The following MAGI1 variants were observed in gnomAD, a reference collection of about 807,000 sequenced individuals.
MAGI1 encodes the protein membrane-associated guanylate kinase, WW and PDZ domain-containing protein 1.
MAGI1 carries 58 observed loss-of-function variants against 139.9 expected under a neutral mutation model. The observed-to-expected ratio is 0.41, with a 90% CI of 0.34 to 0.52. The LOEUF is 0.52. Among genes scored for constraint, MAGI1 ranks in the 20% least tolerant of loss-of-function variants. The pLI is 0.12. For synonymous variants in MAGI1, 812 were observed against 737.9 expected, an observed-to-expected ratio of 1.10 and a Z score of -1.63; for missense variants, 1,874 against 1,901.6, an observed-to-expected ratio of 0.99 and a Z score of 0.27.
At chr3:65,495,651 T>C (rs1036099552) in intron 2 of MAGI1, among the ~76,000 whole-genome samples, 1 of 152,088 alleles carries the variant, frequency 6.6e-6, no homozygotes, top group Non-Finnish European at 1.5e-5. Context: ...CAGGAGGAAA[T>C]CATTCTTCTA....
At chr3:65,869,493 C>A (rs894383132) in intron 1 of MAGI1, among the ~76,000 whole-genome samples, 9 of 150,852 alleles carry the variant, frequency 6.0e-5, no homozygotes, top group East Asian at 2.0e-4. Flanking sequence ...CTCCACCCCC[C>A]AGGTTCACAC....
rs370430462 is a variant in MAGI1 at position 65,356,569 on chromosome 3, C to G, written c.4198G>C (p.Asp1400His). 3 of 1,606,426 alleles carry G rather than the reference C, an allele frequency of 1.9e-6. No homozygotes were observed. The highest frequency in any genetic ancestry group is 2.5e-6 in the Non-Finnish European group (3 of 1,178,592). The change falls in exon 23 of 23, where the codon GAC becomes CAC. Residue 1400 changes from aspartate to histidine, a missense_variant. Physicochemically the swap from Asp to His is moderately conservative, Grantham distance 81. Coordinates refer to ENST00000402939, the MANE Select transcript of MAGI1 (RefSeq NM_001033057.2). ...GSPERRAKST[D>H]RRRARSPERR... Reference sequence around the variant, plus strand: ...TCGGGGGAGCGTGCGCGCCTCCGGTCGGTGGACTTGGCCCTGCGCTCGGGC... The same window carrying G: ...TCGGGGGAGCGTGCGCGCCTCCGGTGGGTGGACTTGGCCCTGCGCTCGGGC...
Position 65,941,341 on chromosome 3 carries a change from C to T in MAGI1, c.313+96655G>A, listed in dbSNP as rs544258355. The stretch of plus-strand genomic sequence containing the variant: ...CAGCCTAGGTGACACAGCAAGACTC[C>T]GTCTCAAAAAAAAAAAAAGAATTAT... On this transcript the variant is annotated intron_variant, in intron 1 of 22. Coordinates refer to ENST00000402939, the MANE Select transcript of MAGI1 (RefSeq NM_001033057.2). Among the ~76,000 whole-genome samples the T allele has an allele frequency of 1.3e-4, 20 of 148,480 alleles. No individual in the cohort carries two copies. The East Asian group carries it at 1.6e-3, about 12-fold the overall frequency.
At chr3:65,576,930 T>C (rs1451936734) in intron 2 of MAGI1, among the ~76,000 whole-genome samples, 1 of 152,314 alleles carries the variant, frequency 6.6e-6, no homozygotes, top group East Asian at 1.9e-4. Flanking sequence ...AATTCAGACA[T>C]TTTGTCTAGT....
intron 1 of MAGI1, among the ~76,000 whole-genome samples, chr3:65,728,253 T>C (rs1471333287): frequency 1.3e-5 from 2 of 152,090 alleles, no homozygotes; most frequent in Non-Finnish European, 2.9e-5. Context: ...GAGATGGAAA[T>C]GAGCTTGGGG....
chr3:65,493,793 A>G (rs1186772687), intron 2 of MAGI1, among the ~76,000 whole-genome samples, 162 bp from the exon 3 acceptor site: 1 of 152,192 alleles, frequency 6.6e-6, no homozygotes, highest in African/African-American at 2.4e-5. Context: ...ACTTCTTTCT[A>G]ATACAACACA....
chr3:65,820,995 C>T (rs1189480219), intron 1 of MAGI1, among the ~76,000 whole-genome samples: 1 of 152,056 alleles, frequency 6.6e-6, no homozygotes, highest in Non-Finnish European at 1.5e-5. Context: ...TCTATTTGCC[C>T]AATCTTGGGC....
intron 1 of MAGI1, among the ~76,000 whole-genome samples, chr3:65,905,517 A>C (rs976445898): frequency 6.7e-6 from 1 of 149,648 alleles, no homozygotes; most frequent in African/African-American, 2.5e-5. Flanking sequence ...TCTTTTTCTT[A>C]TTTTTTTAGA....
At chr3:65,365,782 T>C (rs1941363312) in intron 18 of MAGI1, among the ~76,000 whole-genome samples, 1 of 152,228 alleles carries the variant, frequency 6.6e-6, no homozygotes. Context: ...ACCTATGGCT[T>C]ATAGTAGGCA....
intron 1 of MAGI1, among the ~76,000 whole-genome samples, chr3:65,813,441 A>T (rs896052749): frequency 6.6e-6 from 1 of 152,204 alleles, no homozygotes; most frequent in African/African-American, 2.4e-5. Context: ...AAAAAAAATG[A>T]CCATTAAGAA....
chr3:65,579,521 G>A (rs768698252), intron 2 of MAGI1, among the ~76,000 whole-genome samples: 2 of 152,134 alleles, frequency 1.3e-5, no homozygotes, highest in African/African-American at 2.4e-5. Flanking sequence ...CTGTAACAGG[G>A]ATAAACACGA....
At chr3:65,652,263 T>C (rs1254617248) in intron 1 of MAGI1, among the ~76,000 whole-genome samples, 2 of 152,206 alleles carry the variant, frequency 1.3e-5, no homozygotes, top group Admixed American at 1.3e-4. Flanking sequence ...ATTATTTAAA[T>C]GTTTCAAGAA....
At chr3:65,823,058 C>T (rs569894819) in intron 1 of MAGI1, among the ~76,000 whole-genome samples, 1 of 152,342 alleles carries the variant, frequency 6.6e-6, no homozygotes, top group East Asian at 1.9e-4. Flanking sequence ...AATTTGAATA[C>T]TGGATATTTG....
chr3:65,546,016 T>A (rs1051966514), intron 2 of MAGI1, among the ~76,000 whole-genome samples: 2 of 149,646 alleles, frequency 1.3e-5, no homozygotes, highest in Non-Finnish European at 3.0e-5. Context: ...ACACACACAC[T>A]CTCAAACTAC....
At chr3:65,602,928 AT>A (rs1353266915) in intron 2 of MAGI1, among the ~76,000 whole-genome samples, 1 of 152,128 alleles carries the variant, frequency 6.6e-6, no homozygotes, top group Non-Finnish European at 1.5e-5. Context: ...TATTAAAAAG[AT>A]TTATTTTCAT....
intron 1 of MAGI1, among the ~76,000 whole-genome samples, chr3:65,823,540 G>C (rs2042058256): frequency 6.6e-6 from 1 of 152,166 alleles, no homozygotes; most frequent in Admixed American, 6.5e-5. Flanking sequence ...GCCTTCCACA[G>C]CCTGCTTCTC....
At chr3:65,450,993 C>T (rs890189621) in intron 6 of MAGI1, among the ~76,000 whole-genome samples, 2 of 152,062 alleles carry the variant, frequency 1.3e-5, no homozygotes, top group African/African-American at 4.8e-5. Context: ...TGTGTACAGG[C>T]ACACAGATAT....
At chr3:65,442,537 C>T (rs568794037) in intron 8 of MAGI1, among the ~76,000 whole-genome samples, 2 of 152,036 alleles carry the variant, frequency 1.3e-5, no homozygotes, top group South Asian at 2.1e-4. Flanking sequence ...TATACCAGGA[C>T]GATGTTGGGC....
chr3:66,029,487 C>T (rs375059525), intron 1 of MAGI1, among the ~76,000 whole-genome samples: 2 of 152,276 alleles, frequency 1.3e-5, no homozygotes, highest in East Asian at 3.9e-4. Context: ...TCTTATGGAA[C>T]TCATCTTCAT....
Sources: allele counts gnomAD v4.1 joint callset (sites outside exome capture counted in the v4.1 genomes callset), GRCh38; gene constraint gnomAD v4.1.1; transcripts MANE v1.5; gene names NCBI Gene and HGNC (gene_info 2026-07-23, HGNC 2026-07-21).